ABCC8: variants seen among roughly 807,000 people sequenced by gnomAD.
ABCC8 encodes the protein ATP binding cassette subfamily C member 8.
ABCC8 carries 137 observed loss-of-function variants against 188.0 expected under a neutral mutation model. The observed-to-expected ratio is 0.73, with a 90% confidence interval of 0.63 to 0.84. ABCC8 has a LOEUF of 0.84. Among genes scored for constraint, ABCC8 ranks in the 40% least tolerant of loss-of-function variants. The pLI, the probability that ABCC8 is intolerant of heterozygous loss-of-function variation, is 0.00. For missense variants in ABCC8, 1,750 were observed against 2,072.7 expected (o/e 0.84, Z 3.02); for synonymous variants, 797 against 846.5 (o/e 0.94, Z 1.01).
intron 10 of ABCC8, among the ~76,000 whole-genome samples, chr11:17,439,386 G>T (rs1265756330): frequency 6.6e-6 from 1 of 152,136 alleles, no homozygotes; most frequent in African/African-American, 2.4e-5. Flanking sequence ...GCCCCAACAG[G>T]AAATGTGACT....
intron 16 of ABCC8, among the ~76,000 whole-genome samples, chr11:17,424,747 G>A (rs1400116165): frequency 6.6e-6 from 1 of 152,230 alleles, no homozygotes; most frequent in Non-Finnish European, 1.5e-5. Context: ...CATGGGGCTT[G>A]GACAATAACC....
chr11:17,405,542 A>T lies in ABCC8; in HGVS notation c.3351T>A (p.Leu1117=), dbSNP rs1385047431. The T allele has an allele frequency of 6.2e-7, 1 of 1,614,102 alleles. No homozygotes were observed. Among genetic ancestry groups the T allele is most frequent in the Non-Finnish European group, 8.5e-7 (1 of 1,180,034 alleles). ...APMRFFETTP[L]GSILNRFSSD... is the part of the protein sequence containing the mutation. ...ATGAAAATCTGTTCAGGATGCTCCC[A>T]AGGGGCGTGGTCTCAAAAAACCTAA... The change falls in exon 27 of 39, where the codon CTT becomes CTA. Residue 1117 remains leucine, a synonymous_variant. Transcript: ENST00000389817.
chr11:17,461,602 T>C lies in ABCC8; in HGVS notation c.803A>G (p.Glu268Gly), dbSNP rs1436269824. 1 of 1,614,252 alleles carries C rather than the reference T, an allele frequency of 6.2e-7. No individual in the cohort carries two copies. The highest frequency in any genetic ancestry group is 1.7e-5 in the Admixed American group (1 of 60,030). The change falls in exon 5 of 39, where the codon GAG (glutamate) becomes GGG (glycine). Residue 268 changes from glutamate to glycine, a missense_variant. By Grantham distance (98) the Glu-to-Gly change is moderately conservative. Coordinates refer to ENST00000389817, the MANE Select transcript of ABCC8 (RefSeq NM_000352.6). ...ACTGACCACCTGGGCGTCAAAGGCCTCGCAGAGCCGTTGGTAGTTGGTGAG... is the reference window on the plus strand; with the variant it reads ...ACTGACCACCTGGGCGTCAAAGGCCCCGCAGAGCCGTTGGTAGTTGGTGAG... The part of the protein sequence containing the change: ...RALTNYQRLC[E>G]AFDAQVRKDI...
chr11:17,439,696 G>A (rs969489805), intron 10 of ABCC8, among the ~76,000 whole-genome samples: 1 of 152,144 alleles, frequency 6.6e-6, no homozygotes, highest in African/African-American at 2.4e-5. Flanking sequence ...GCTCTCCCCA[G>A]GGGCTCTCCC....
At chr11:17,402,098 G>A (rs1250429732) in intron 29 of ABCC8, among the ~76,000 whole-genome samples, 1 of 152,170 alleles carries the variant, frequency 6.6e-6, no homozygotes, top group Non-Finnish European at 1.5e-5. Context: ...CCTGGCATGG[G>A]GCTTAGCACA....
At chr11:17,458,636 A>T (rs888210465) in intron 6 of ABCC8, among the ~76,000 whole-genome samples, 5 of 152,336 alleles carry the variant, frequency 3.3e-5, no homozygotes, top group Non-Finnish European at 5.9e-5. Context: ...CAAGAGAAGC[A>T]GCCGCTTCCC....
intron 17 of ABCC8, 60 bp downstream of exon 17, chr11:17,416,870 C>A: frequency 1.3e-6 from 2 of 1,586,604 alleles, no homozygotes; most frequent in Non-Finnish European, 8.7e-7. Context: ...AAGTCCTCCA[C>A]CCCCACCCTA....
chr11:17,420,104 T>C (rs965773272), intron 16 of ABCC8, among the ~76,000 whole-genome samples: 6 of 151,898 alleles, frequency 4.0e-5, no homozygotes, highest in Non-Finnish European at 8.8e-5. Context: ...ACCCCGGCAA[T>C]AAATAAAAAG....
chr11:17,455,111 ATG>A (rs758236513), intron 6 of ABCC8, among the ~76,000 whole-genome samples: 3 of 152,248 alleles, frequency 2.0e-5, no homozygotes, highest in Non-Finnish European at 2.9e-5. Context: ...TAATAGCTGT[ATG>A]AACACAGACA....
intron 26 of ABCC8, chr11:17,405,769 G>T: frequency 1.7e-6 from 1 of 592,076 alleles, no homozygotes; most frequent in Non-Finnish European, 2.1e-6. Flanking sequence ...TAGCCTTTCA[G>T]TTTCTCAAGC....
At chr11:17,459,903 T>G (rs1957124850) in intron 6 of ABCC8, among the ~76,000 whole-genome samples, 1 of 152,256 alleles carries the variant, frequency 6.6e-6, no homozygotes. Context: ...CAGTGTTTTT[T>G]AAGCCATGGA....
chr11:17,461,244 C>A (rs183799941), intron 5 of ABCC8: 112 of 412,086 alleles, frequency 2.7e-4, no homozygotes, highest in African/African-American at 1.3e-3. Context: ...AACACTCCAA[C>A]CTTTATAGTC....
rs1591885314 is a variant in ABCC8, at chr11:17,460,548, T to C, written c.951A>G (p.Pro317=). The C allele has an allele frequency of 6.2e-7, 1 of 1,614,066 alleles. No homozygotes were observed. Among genetic ancestry groups the C allele is most frequent in the Non-Finnish European group, 8.5e-7 (1 of 1,180,022 alleles). Residue 317 remains proline (P), a synonymous_variant, in exon 6 of 39, where the codon CCA becomes CCG. Transcript: ENST00000389817. ...ILADLLGFAG[P]LCIFGIVDHL... ...GGTCCACGATCCCAAAGATGCACAG[T>C]GGCCCGGCGAAGCCCAGCAGGTCGG...
At chr11:17,417,182 C>T (rs560058918) in intron 16 of ABCC8, among the ~76,000 whole-genome samples, 1 of 152,292 alleles carries the variant, frequency 6.6e-6, no homozygotes, top group African/African-American at 2.4e-5. Context: ...TGTGCTAAAT[C>T]AGCGTTCCTG....
chr11:17,416,447 C>T (rs1244609827), intron 17 of ABCC8, among the ~76,000 whole-genome samples: 1 of 152,050 alleles, frequency 6.6e-6, no homozygotes, highest in Non-Finnish European at 1.5e-5. Flanking sequence ...TTTAGATATA[C>T]TTTTTTCTGT....
Position 17,404,377 on chromosome 11 carries a change from T to G in ABCC8, c.3557+135A>C. ...TGGAATAAGATGTGGATATTTCTAT[T>G]TCCTTCATTTCTGTTTTTTGTTTTT... On this transcript the variant is annotated intron_variant, in intron 28 of 38. Coordinates refer to ENST00000389817, the MANE Select transcript of ABCC8 (RefSeq NM_000352.6). The surrounding 1 kb of genome is among the most constrained non-coding windows in gnomAD (Gnocchi z 4.7). 2.1e-6 allele frequency: 2 copies of G among 937,520 alleles called. No individual in the cohort carries two copies. Among genetic ancestry groups the G allele is most frequent in the Non-Finnish European group, 3.5e-6 (2 of 574,114 alleles). The allele number at this position is 937,520 out of a possible 1,614,324, so 58.1% of individuals were successfully genotyped here.
intron 10 of ABCC8, among the ~76,000 whole-genome samples, chr11:17,441,794 CT>C (rs1484800570): frequency 6.6e-6 from 1 of 152,114 alleles, no homozygotes; most frequent in Non-Finnish European, 1.5e-5. Flanking sequence ...TCTAAAAAAT[CT>C]TTTGGGCTGG....
intron 6 of ABCC8, among the ~76,000 whole-genome samples, chr11:17,455,132 G>T (rs186362277): frequency 6.6e-6 from 1 of 152,242 alleles, no homozygotes; most frequent in Admixed American, 6.5e-5. Flanking sequence ...CATTTATTTT[G>T]GGGTCAGAGC....
intron 29 of ABCC8, among the ~76,000 whole-genome samples, chr11:17,398,663 C>T (rs1448274076): frequency 1.3e-5 from 2 of 152,160 alleles, no homozygotes; most frequent in African/African-American, 4.8e-5. Flanking sequence ...TTGTTTTCAC[C>T]CCAAGATCCA....
Sources: allele counts gnomAD v4.1 joint callset (sites outside exome capture counted in the v4.1 genomes callset), GRCh38; gene constraint gnomAD v4.1.1; non-coding constraint Gnocchi (gnomAD v3.1); transcripts MANE v1.5; gene names NCBI Gene and HGNC (gene_info 2026-07-23, HGNC 2026-07-21).